The following SUGCT variants were observed in gnomAD, a reference collection of about 807,000 sequenced individuals.
SUGCT encodes succinyl-CoA:glutarate-CoA transferase, also known as succinyl-CoA:glutarate CoA-transferase.
In SUGCT, 41 loss-of-function variants were observed where a neutral mutation model predicts 55.0. The ratio of observed to expected loss-of-function variants is 0.74; its 90% CI spans 0.58 to 0.97. SUGCT has a LOEUF of 0.97. Ranked by LOEUF, SUGCT falls within the 50% of genes least tolerant of loss-of-function variation. The probability of loss-of-function intolerance (pLI) is 0.00; values close to 1 mark genes in which losing one functional copy is unlikely to be tolerated. For synonymous variants in SUGCT, 187 were observed against 200.4 expected (o/e 0.93, Z 0.56); for missense variants, 568 against 547.8 (o/e 1.04, Z -0.37).
intron 12 of SUGCT, among the ~76,000 whole-genome samples, chr7:40,633,067 A>G (rs902153332): frequency 7.2e-5 from 11 of 152,210 alleles, no homozygotes. Flanking sequence ...TTCAAAAACT[A>G]TGACAGAGAG....
At chr7:40,142,017 G>A (rs1412390640) in intron 1 of SUGCT, 1 of 159,748 alleles carries the variant, frequency 6.3e-6, no homozygotes, top group Non-Finnish European at 1.4e-5. Context: ...GAGAGTGACG[G>A]GGTGAGTGGT....
intron 9 of SUGCT, among the ~76,000 whole-genome samples, chr7:40,335,213 T>C (rs1224569305): frequency 1.3e-5 from 2 of 152,244 alleles, no homozygotes; most frequent in African/African-American, 2.4e-5. Context: ...TTCTTTTGGC[T>C]TAGGATTGTC....
chr7:40,691,131 C>A lies in SUGCT; in HGVS notation c.1090-58303C>A, dbSNP rs540452863. ...GGATCTCAAAGAATGAAGACGGATT[C>A]TATAGAAACAGGAAACAAGTGGAGC... On this transcript the variant is annotated intron_variant, in intron 12 of 13. Transcript: ENST00000335693. Among the ~76,000 whole-genome samples the A allele has an allele frequency of 2.8e-4, 42 of 152,262 alleles. 2 individuals carry two copies. The South Asian group carries it at 8.7e-3, about 32-fold the overall frequency.
intron 5 of SUGCT, among the ~76,000 whole-genome samples, chr7:40,190,142 G>C (rs756551395): frequency 6.6e-6 from 1 of 152,196 alleles, no homozygotes; most frequent in Admixed American, 6.6e-5. Flanking sequence ...CTTTGCATGG[G>C]ATTTGAATCC....
In SUGCT at chr7:40,455,511, C is replaced by T. The variant is rs1789432116; in HGVS notation, c.889-3590C>T. ...AGATGGAAAAATATACAAACACAAA[C>T]AAAAGAGGCAAACACTAATGAAAAG... On this transcript the variant is annotated intron_variant, in intron 10 of 13. Coordinates refer to ENST00000335693, the MANE Select transcript of SUGCT (RefSeq NM_001193313.2). Among the ~76,000 whole-genome samples the T allele has an allele frequency of 1.3e-5, 2 of 152,206 alleles. 1 individual carries two copies. The highest frequency in any genetic ancestry group is 1.3e-4 in the Admixed American group (2 of 15,284).
intron 9 of SUGCT, among the ~76,000 whole-genome samples, chr7:40,348,435 G>A (rs1055808594): frequency 5.3e-5 from 8 of 152,142 alleles, no homozygotes; most frequent in Non-Finnish European, 7.4e-5. Context: ...AATGAGTCCC[G>A]TTAGAATCCA....
intron 13 of SUGCT, among the ~76,000 whole-genome samples, chr7:40,766,809 T>C (rs1788814706): frequency 6.6e-6 from 1 of 152,218 alleles, no homozygotes; most frequent in Non-Finnish European, 1.5e-5. Context: ...GTGACATATT[T>C]TGAAATTCCA....
chr7:40,349,540 G>A (rs1797503333), intron 9 of SUGCT, among the ~76,000 whole-genome samples: 1 of 152,168 alleles, frequency 6.6e-6, no homozygotes, highest in East Asian at 1.9e-4. Context: ...CCTACTTGGT[G>A]TTGTCAGTGC....
intron 13 of SUGCT, among the ~76,000 whole-genome samples, chr7:40,839,507 T>G (rs1340668044): frequency 6.6e-6 from 1 of 152,232 alleles, no homozygotes; most frequent in Non-Finnish European, 1.5e-5. Context: ...AAATGTTTGG[T>G]ATAATTCTAC....
chr7:40,555,502 G>A (rs1381427864), intron 12 of SUGCT, among the ~76,000 whole-genome samples: 2 of 152,016 alleles, frequency 1.3e-5, no homozygotes, highest in Admixed American at 6.6e-5. Context: ...GATGTCTAGC[G>A]CTTGGTTGAG....
chr7:40,322,079 G>A (rs145196955), intron 9 of SUGCT, among the ~76,000 whole-genome samples: 53 of 152,172 alleles, frequency 3.5e-4, no homozygotes, highest in Non-Finnish European at 7.1e-4. Flanking sequence ...TTTTCTCCAT[G>A]TCCTCACCAT....
rs969117690 is a variant in SUGCT, at chr7:40,731,765, A to C, written c.1090-17669A>C. ...GGCAAAGCTAGTTCCAAAAGAGTGA[A>C]ACATAGGATGAAAACAATAATATTT... On this transcript the variant is annotated intron_variant, in intron 12 of 13. Coordinates refer to ENST00000335693, the MANE Select transcript of SUGCT (RefSeq NM_001193313.2). Among the ~76,000 whole-genome samples, 4 of 152,352 alleles carry C rather than the reference A, an allele frequency of 2.6e-5. No homozygotes were observed. In the East Asian group the frequency reaches 7.7e-4, roughly 29 times the overall value.
chr7:40,555,687 G>T (rs1452888051), intron 12 of SUGCT, among the ~76,000 whole-genome samples: 3 of 151,894 alleles, frequency 2.0e-5, no homozygotes, highest in African/African-American at 7.3e-5. Context: ...TACTTTTTGG[G>T]GAACTCATGA....
At chr7:40,972,311 G>C in the SUGCT span, among the ~76,000 whole-genome samples, 1 of 152,178 alleles carries the variant, frequency 6.6e-6, no homozygotes, top group Non-Finnish European at 1.5e-5. Context: ...CATCATAGCT[G>C]TCAGGTCTGG....
At chr7:40,817,551 A>G (rs1791740688) in intron 13 of SUGCT, among the ~76,000 whole-genome samples, 1 of 152,214 alleles carries the variant, frequency 6.6e-6, no homozygotes, top group African/African-American at 2.4e-5. Context: ...ACAAAGAGCT[A>G]TTTTATGCAA....
chr7:40,294,376 G>A (rs1793987457), intron 8 of SUGCT, among the ~76,000 whole-genome samples: 1 of 152,200 alleles, frequency 6.6e-6, no homozygotes, highest in African/African-American at 2.4e-5. Context: ...GTGTTTAGGA[G>A]CTCTTCATCT....
intron 1 of SUGCT, among the ~76,000 whole-genome samples, chr7:40,150,780 A>G (rs1788523950): frequency 6.6e-6 from 1 of 152,218 alleles, no homozygotes; most frequent in Non-Finnish European, 1.5e-5. Flanking sequence ...CTCTGCGTGA[A>G]TTACTCTTTC....
chr7:40,590,207 G>C (rs10262003), intron 12 of SUGCT, among the ~76,000 whole-genome samples: 6,676 of 152,200 alleles, frequency 0.044, 479 homozygotes, highest in African/African-American at 0.15. Context: ...CTAGTGATCA[G>C]CTGTTCCCCA....
rs1050480084 is a variant in SUGCT at position 40,169,931 on chromosome 7, T to C, written c.101-11016T>C. ...TCCTTTAAGATTAGTTGACCTTCAA[T>C]AGAGTCAGGTGACAGAGAGCTATGC... On this transcript the variant is annotated intron_variant, in intron 1 of 13. Transcript: ENST00000335693. Among the ~76,000 whole-genome samples, 11 of 152,180 alleles carry C rather than the reference T, an allele frequency of 7.2e-5. No individual in the cohort carries two copies. The South Asian group carries it at 2.1e-3, about 29-fold the overall frequency.
Sources: gnomAD v4.1 joint callset for allele counts (sites outside exome capture counted in the v4.1 genomes callset) on GRCh38, gnomAD v4.1.1 for gene constraint, MANE v1.5 for transcripts, NCBI Gene and HGNC (gene_info 2026-07-23, HGNC 2026-07-21) for gene names.